Variants in PNO1 observed in about 807,000 individuals in gnomAD.
PNO1 encodes RNA-binding protein PNO1.
A neutral mutation model predicts 28.4 loss-of-function variants in PNO1; 16 were observed. The ratio of observed to expected loss-of-function variants is 0.56; its 90% confidence interval spans 0.38 to 0.85. The LOEUF (loss-of-function observed/expected upper bound fraction) is 0.85, where lower values mean the gene tolerates loss of function less well. Ranked by LOEUF, PNO1 falls within the 40% of genes least tolerant of loss-of-function variation. PNO1 has a pLI of 0.00. For missense variants in PNO1, 304 were observed against 312.2 expected (o/e 0.97, Z 0.20); for synonymous variants, 115 against 110.8 (o/e 1.04, Z -0.24).
intron 1 of PNO1, 32 bp from the exon 2 acceptor site, chr2:68,158,339 CCCTCCATAG>C: frequency 6.4e-7 from 1 of 1,567,298 alleles, no homozygotes; most frequent in Non-Finnish European, 8.6e-7. Context: ...CCATCACCGT[CCCTCCATAG>C]CCTTCTGAGT....
In PNO1 at chr2:68,159,349, C is replaced by G. The variant is rs527409355; in HGVS notation, c.357+820C>G. The stretch of plus-strand genomic sequence containing the variant: ...TGGCATGATCTTGGCTCACTGTTAA[C>G]AGGTGCCTGCCACCAAACCTGGCTA... On this transcript the variant is annotated intron_variant, in intron 2 of 6. Transcript: ENST00000263657. 2.6e-5 allele frequency among the ~76,000 whole-genome samples: 4 copies of G among 151,972 alleles called. No homozygotes were observed. The South Asian group carries it at 8.3e-4, about 32-fold the overall frequency.
chr2:68,158,367 C>T lies in PNO1; in HGVS notation c.208-13C>T. ...TCCATAGCCTTCTGAGTTGTGTGTTCTTTTATTTACAGAGTGGGAAAGAAG... is the reference window on the plus strand; with the variant it reads ...TCCATAGCCTTCTGAGTTGTGTGTTTTTTTATTTACAGAGTGGGAAAGAAG... On this transcript the variant is annotated splice_polypyrimidine_tract_variant and intron_variant, in intron 1 of 6. Coordinates refer to ENST00000263657, the MANE Select transcript of PNO1 (RefSeq NM_020143.4). 2 of 1,603,814 alleles carry T rather than the reference C, an allele frequency of 1.2e-6. No homozygotes were observed. Among genetic ancestry groups the T allele is most frequent in the Non-Finnish European group, 1.7e-6 (2 of 1,176,038 alleles).
intron 1 of PNO1, 43 bp from the exon 2 acceptor site, chr2:68,158,337 G>A (rs1454029541): frequency 6.4e-7 from 1 of 1,565,850 alleles, no homozygotes; most frequent in Non-Finnish European, 8.6e-7. Flanking sequence ...CTCCATCACC[G>A]TCCCTCCATA....
At chr2:68,168,921 C>CTTTTTTTTT (rs57701897) in intron 5 of PNO1, among the ~76,000 whole-genome samples, 34 of 72,482 alleles carry the variant, frequency 4.7e-4, no homozygotes, top group East Asian at 8.9e-4. Context: ...CAGCTTTTTT[C>CTTTTTTTTT]TTTTTTTTTT....
chr2:68,165,852 A>G (rs969510861), intron 5 of PNO1, among the ~76,000 whole-genome samples: 4 of 152,186 alleles, frequency 2.6e-5, no homozygotes, highest in African/African-American at 9.7e-5. Context: ...TTTACATACA[A>G]TAAAATTCTA....
At chr2:68,174,660 TAG>T (rs1674225749) in intron 6 of PNO1, 73 bp from the exon 7 acceptor site, 6 of 966,942 alleles carry the variant, frequency 6.2e-6, no homozygotes, top group Non-Finnish European at 9.8e-6. Flanking sequence ...CAGTCTTCCT[TAG>T]ACACTGAGGG....
intron 5 of PNO1, among the ~76,000 whole-genome samples, chr2:68,172,266 G>T (rs1467213414): frequency 1.3e-5 from 2 of 151,670 alleles, no homozygotes; most frequent in Non-Finnish European, 2.9e-5. Flanking sequence ...CCTCAGAGCA[G>T]ATCCAAAGCC....
At chr2:68,167,733 T>C (rs1002354939) in intron 5 of PNO1, among the ~76,000 whole-genome samples, 1 of 152,250 alleles carries the variant, frequency 6.6e-6, no homozygotes, top group Admixed American at 6.5e-5. Context: ...ACTTGTCTGC[T>C]GCCCTTTGGT....
At chr2:68,171,983 G>A (rs189233651) in intron 5 of PNO1, among the ~76,000 whole-genome samples, 2 of 152,200 alleles carry the variant, frequency 1.3e-5, no homozygotes, top group Admixed American at 6.5e-5. Context: ...GAAATTATGG[G>A]GGGGTTGCAG....
At chr2:68,163,071 A>G (rs1186810635) in intron 5 of PNO1, among the ~76,000 whole-genome samples, 1 of 152,202 alleles carries the variant, frequency 6.6e-6, no homozygotes, top group Non-Finnish European at 1.5e-5. Context: ...GAAAAATCCC[A>G]GTTCGAACCG....
At chr2:68,172,854 C>T (rs540837810) in intron 5 of PNO1, among the ~76,000 whole-genome samples, 67 of 152,174 alleles carry the variant, frequency 4.4e-4, no homozygotes, top group Non-Finnish European at 8.1e-4. Flanking sequence ...AGAATCTTCA[C>T]AAATTTTTCT....
intron 5 of PNO1, among the ~76,000 whole-genome samples, chr2:68,164,969 C>T (rs1025999403): frequency 6.6e-5 from 10 of 151,920 alleles, no homozygotes; most frequent in African/African-American, 1.9e-4. Flanking sequence ...AAGAGCATTC[C>T]GAGTGTGTAC....
intron 5 of PNO1, among the ~76,000 whole-genome samples, chr2:68,166,597 A>T (rs1281118858): frequency 6.6e-6 from 1 of 152,216 alleles, no homozygotes; most frequent in African/African-American, 2.4e-5. Flanking sequence ...ACTTTACAGA[A>T]ATACATTGTA....
At chr2:68,161,009 T>C (rs563541114) in intron 2 of PNO1, among the ~76,000 whole-genome samples, 1 of 152,366 alleles carries the variant, frequency 6.6e-6, no homozygotes, top group African/African-American at 2.4e-5. Flanking sequence ...TTTAGTACTT[T>C]AGTTTCCTCA....
rs1024162330 is a variant in PNO1 at position 68,163,307 on chromosome 2, G to A, written c.620+644G>A. On this transcript the variant is annotated intron_variant, in intron 5 of 6. Coordinates refer to ENST00000263657, the MANE Select transcript of PNO1 (RefSeq NM_020143.4). ...AGCACTTTGGGAGGCTGAGGCGGGC[G>A]GATCACCTAAGGTCAGGAGTTCGAG... Among the ~76,000 whole-genome samples, 12 of 152,260 alleles carry A rather than the reference G, an allele frequency of 7.9e-5. 1 individual carries two copies. Among genetic ancestry groups the A allele is most frequent in the East Asian group, 3.9e-4 (2 of 5,174 alleles).
At chr2:68,173,183 C>A in intron 5 of PNO1, 164 bp from the exon 6 acceptor site, 1 of 429,940 alleles carries the variant, frequency 2.3e-6, no homozygotes, top group Non-Finnish European at 4.3e-6. Flanking sequence ...ACCCAGCTAA[C>A]TGTTGAATTT....
At chr2:68,169,926 G>T (rs1044128601) in intron 5 of PNO1, among the ~76,000 whole-genome samples, 1 of 152,150 alleles carries the variant, frequency 6.6e-6, no homozygotes, top group African/African-American at 2.4e-5. Context: ...ATTACATCTT[G>T]TTTATCCAGT....
intron 2 of PNO1, chr2:68,161,103 A>G (rs1673817715): frequency 2.3e-6 from 1 of 428,676 alleles, no homozygotes; most frequent in East Asian, 7.1e-5. Flanking sequence ...TATTTATAGT[A>G]CGTGTTATTT....
In PNO1 at chr2:68,175,616, T is replaced by C. The variant is rs1315350557; in HGVS notation, c.*814T>C. On this transcript the variant is annotated 3_prime_UTR_variant, in exon 7 of 7. Coordinates refer to ENST00000263657, the MANE Select transcript of PNO1 (RefSeq NM_020143.4). ...CAGTGGTTTTGGCCATACCGTATTA[T>C]ACCATATACATCAGTAAGAGCTCAT... 6.6e-6 allele frequency: 1 copy of C among 150,886 alleles called. No individual in the cohort carries two copies. The highest frequency in any genetic ancestry group is 1.5e-5 in the Non-Finnish European group (1 of 67,940). The allele number at this position is 150,886 out of a possible 1,614,324, so 9.3% of individuals were successfully genotyped here.
Sources: gnomAD v4.1 joint callset for allele counts (sites outside exome capture counted in the v4.1 genomes callset) on GRCh38, gnomAD v4.1.1 for gene constraint, MANE v1.5 for transcripts, NCBI Gene and HGNC (gene_info 2026-07-23, HGNC 2026-07-21) for gene names.